The following NEMP2 variants were observed in gnomAD, a reference collection of about 807,000 sequenced individuals.
NEMP2 encodes the protein UPF0571 transmembrane protein.
In NEMP2, 53 loss-of-function variants were observed where a neutral mutation model predicts 54.2. The observed-to-expected ratio is 0.98, with a 90% CI of 0.78 to 1.23. The LOEUF is 1.23. Among genes scored for constraint, NEMP2 ranks in the 50% most tolerant of loss-of-function variants. NEMP2 has a pLI of 0.00. For missense variants in NEMP2, 455 were observed against 511.3 expected, an observed-to-expected ratio of 0.89 and a Z score of 1.06; for synonymous variants, 197 against 190.3, an observed-to-expected ratio of 1.04 and a Z score of -0.29.
chr2:190,566,916 G>A, the NEMP2 span, among the ~76,000 whole-genome samples: 15 of 151,986 alleles, frequency 9.9e-5, no homozygotes, highest in African/African-American at 2.7e-4. Flanking sequence ...AGAGCTCTTC[G>A]TCAGCTTTTG....
In NEMP2 at chr2:190,507,889, C is replaced by G. The variant is rs1410773536; in HGVS notation, c.*1300G>C. On this transcript the variant is annotated 3_prime_UTR_variant, in exon 9 of 9. Transcript: ENST00000409150. The surrounding 1 kb of genome is among the most constrained non-coding windows in gnomAD (Gnocchi z 4.4). Reference sequence around the variant, plus strand: ...CTGATAAAAAGATTATTTTTATGATCCCATCACAGGAAAAAAAGCCTGATT... The same window carrying G: ...CTGATAAAAAGATTATTTTTATGATGCCATCACAGGAAAAAAAGCCTGATT... The G allele has an allele frequency of 6.6e-6, 1 of 152,132 alleles. No individual in the cohort carries two copies. The highest frequency in any genetic ancestry group is 1.5e-5 in the Non-Finnish European group (1 of 68,024). 9.4% of individuals were successfully genotyped at this position (152,132 alleles called of 1,614,324 possible). A position where few individuals can be genotyped will look rare whatever the true frequency, so the allele number is the denominator to read the frequency against.
upstream of NEMP2, among the ~76,000 whole-genome samples, chr2:190,538,622 C>T (rs1691450887): frequency 6.6e-6 from 1 of 151,734 alleles, no homozygotes. The surrounding 1 kb of genome is among the most constrained non-coding windows in gnomAD (Gnocchi z 4.1). Flanking sequence ...TCCTTACCAG[C>T]ATATGTTATT....
chr2:190,514,460 T>A lies in NEMP2; in HGVS notation c.946A>T (p.Met316Leu). 1.9e-6 allele frequency: 3 copies of A among 1,550,912 alleles called. No individual in the cohort carries two copies. Among genetic ancestry groups the A allele is most frequent in the African/African-American group, 2.7e-5 (2 of 73,158 alleles). Residue 316 changes from methionine (M) to leucine (L), a missense_variant, in exon 7 of 9, where the codon ATG (methionine) becomes TTG (leucine). Met to Leu is a conservative substitution (Grantham distance 15). Around this residue, in one of 3 missense-constraint regions of NEMP2, gnomAD observed 294 missense variants for 333.6 expected, o/e 0.88. Coordinates refer to ENST00000409150, the MANE Select transcript of NEMP2 (RefSeq NM_001142645.2). The surrounding 1 kb of genome is among the most constrained non-coding windows in gnomAD (Gnocchi z 5.7). The part of the protein sequence containing the change: ...LHYPLRACSY[M>L]RWKMEQWFTS... ...GAAAAAAATGATACATACCACCTCA[T>A]ATAACTGCATGCTCTCAGTGGGTAG...
the NEMP2 span, among the ~76,000 whole-genome samples, chr2:190,613,124 CCTAA>C: frequency 5.9e-5 from 9 of 152,078 alleles, no homozygotes; most frequent in Admixed American, 2.6e-4. Context: ...AATGATCTGA[CCTAA>C]CTGACTCCAT....
At chr2:190,483,114 G>C in the NEMP2 span, among the ~76,000 whole-genome samples, 2 of 150,388 alleles carry the variant, frequency 1.3e-5, no homozygotes, top group Non-Finnish European at 3.0e-5. Flanking sequence ...GGATGGTCTC[G>C]ATCTCCTGAC....
At chr2:190,639,363 TC>T in the NEMP2 span, among the ~76,000 whole-genome samples, 2 of 150,676 alleles carry the variant, frequency 1.3e-5, no homozygotes, top group African/African-American at 4.9e-5. Context: ...ACTTTTTAGC[TC>T]CCAGATTTTG....
the NEMP2 span, among the ~76,000 whole-genome samples, chr2:190,571,731 A>T: frequency 2.6e-5 from 4 of 152,180 alleles, no homozygotes; most frequent in Non-Finnish European, 5.9e-5. Context: ...TGTATCCCAT[A>T]GTAGCATTAT....
At chr2:190,615,388 A>C in the NEMP2 span, among the ~76,000 whole-genome samples, 1 of 152,198 alleles carries the variant, frequency 6.6e-6, no homozygotes, top group African/African-American at 2.4e-5. The surrounding 1 kb of genome is among the most constrained non-coding windows in gnomAD (Gnocchi z 4.7). Context: ...GTCTATTATA[A>C]AGGATATTTC....
chr2:190,562,777 A>G, the NEMP2 span, among the ~76,000 whole-genome samples: 1 of 152,172 alleles, frequency 6.6e-6, no homozygotes, highest in Non-Finnish European at 1.5e-5. The surrounding 1 kb of genome is among the most constrained non-coding windows in gnomAD (Gnocchi z 5.0). Flanking sequence ...CGACTAACAC[A>G]TAGGGAAAGA....
chr2:190,481,424 C>T, the NEMP2 span, among the ~76,000 whole-genome samples: 1 of 152,190 alleles, frequency 6.6e-6, no homozygotes, highest in Non-Finnish European at 1.5e-5. Flanking sequence ...TACCTTTTAT[C>T]CATAAATGCT....
rs1174301167 is a variant in NEMP2, at chr2:190,505,511, T to A, written c.*3678A>T. ...AAACGACCAAATCTAAAAAAACAGA[T>A]GCCTCAAATTATTTAAATAATAGAG... is the stretch of plus-strand genomic sequence containing the variant. On this transcript the variant is annotated 3_prime_UTR_variant, in exon 9 of 9. Transcript: ENST00000409150. The surrounding 1 kb of genome is among the most constrained non-coding windows in gnomAD (Gnocchi z 5.8). The A allele has an allele frequency of 6.6e-6, 1 of 152,202 alleles. No homozygotes were observed. The highest frequency in any genetic ancestry group is 1.5e-5 in the Non-Finnish European group (1 of 68,040). 9.4% of individuals were successfully genotyped at this position (152,202 alleles called of 1,614,324 possible).
At chr2:190,630,286 C>T in the NEMP2 span, among the ~76,000 whole-genome samples, 44 of 152,170 alleles carry the variant, frequency 2.9e-4, no homozygotes, top group Non-Finnish European at 5.1e-4. This position sits in a 1 kb window ranked among gnomAD's most constrained non-coding sequence, Gnocchi z 5.5. Flanking sequence ...AGAGCAATCT[C>T]GTCTCACTGC....
the NEMP2 span, among the ~76,000 whole-genome samples, chr2:190,565,990 C>T: frequency 6.6e-6 from 1 of 150,418 alleles, no homozygotes; most frequent in Non-Finnish European, 1.5e-5. Context: ...TAATATCTCC[C>T]CCCACCCCCC....
At chr2:190,581,501 TGTCTCTGTTA>T in the NEMP2 span, among the ~76,000 whole-genome samples, 1 of 152,218 alleles carries the variant, frequency 6.6e-6, no homozygotes, top group Non-Finnish European at 1.5e-5. Flanking sequence ...TATGCTGTGA[TGTCTCTGTTA>T]GTACCAGTGA....
the NEMP2 span, among the ~76,000 whole-genome samples, chr2:190,585,571 C>T: frequency 1.3e-5 from 2 of 152,184 alleles, no homozygotes; most frequent in African/African-American, 4.8e-5. This position sits in a 1 kb window ranked among gnomAD's most constrained non-coding sequence, Gnocchi z 5.3. Flanking sequence ...CATGTCATGC[C>T]CTTGGCTAGG....
the NEMP2 span, among the ~76,000 whole-genome samples, chr2:190,623,353 T>A: frequency 6.6e-6 from 1 of 151,628 alleles, no homozygotes; most frequent in African/African-American, 2.4e-5. Context: ...AGACCCCAAA[T>A]AGCCAAACCA....
chr2:190,496,043 A>G, the NEMP2 span, among the ~76,000 whole-genome samples: 28 of 152,220 alleles, frequency 1.8e-4, no homozygotes, highest in African/African-American at 6.8e-4. The surrounding 1 kb of genome is among the most constrained non-coding windows in gnomAD (Gnocchi z 4.7). Flanking sequence ...CAGTCAGCAG[A>G]GTAAACAGAC....
At chr2:190,497,384 G>C in the NEMP2 span, 1 of 1,569,510 alleles carries the variant, frequency 6.4e-7, no homozygotes, top group Non-Finnish European at 8.7e-7. The surrounding 1 kb of genome is among the most constrained non-coding windows in gnomAD (Gnocchi z 5.2). Flanking sequence ...TTTTACCTTT[G>C]TTCAAATATG....
the NEMP2 span, chr2:190,646,691 A>G: frequency 3.0e-4 from 45 of 152,344 alleles, no homozygotes; most frequent in African/African-American, 1.1e-3. Context: ...GATAGATTCC[A>G]CTGTTTAACT....
Sources: allele counts gnomAD v4.1 joint callset (sites outside exome capture counted in the v4.1 genomes callset), GRCh38; gene constraint gnomAD v4.1.1; regional missense constraint gnomAD v4.1.1; non-coding constraint Gnocchi (gnomAD v3.1); transcripts MANE v1.5; gene names NCBI Gene and HGNC (gene_info 2026-07-23, HGNC 2026-07-21).